The following WSCD2 variants were observed in gnomAD, a reference collection of about 807,000 sequenced individuals.
WSCD2 encodes sialate:O-sulfotransferase 2.
WSCD2 carries 28 observed loss-of-function variants against 55.7 expected under a neutral mutation model. The ratio of observed to expected loss-of-function variants is 0.50; its 90% CI spans 0.37 to 0.69. The LOEUF (loss-of-function observed/expected upper bound fraction) is 0.69. Among genes scored for constraint, WSCD2 ranks in the 30% least tolerant of loss-of-function variants. The pLI, the probability that WSCD2 is intolerant of heterozygous loss-of-function variation, is 0.00. For missense variants in WSCD2, 616 were observed against 762.1 expected, an observed-to-expected ratio of 0.81 and a Z score of 2.26; for synonymous variants, 301 against 301.9, an observed-to-expected ratio of 1.00 and a Z score of 0.03.
intron 1 of WSCD2, among the ~76,000 whole-genome samples, chr12:108,182,104 G>A (rs1224308330): frequency 6.6e-6 from 1 of 152,122 alleles, no homozygotes; most frequent in Non-Finnish European, 1.5e-5. Flanking sequence ...ATGGAAAACA[G>A]AAACACAGAT....
rs1275704311 is a variant in WSCD2, at chr12:108,218,286, C to G, written c.683-6453C>G. On this transcript the variant is annotated intron_variant, in intron 4 of 8. Transcript: ENST00000547525. ...GTTCCCCATTTTACAGCTGAAGATG[C>G]TGAGTTCCAGAGAGGAGAAACAGAG... Among the ~76,000 whole-genome samples, 3 of 152,206 alleles carry G rather than the reference C, an allele frequency of 2.0e-5. No individual in the cohort carries two copies. In the East Asian group the frequency reaches 5.8e-4, roughly 29 times the overall value.
chr12:108,135,550 G>A lies in WSCD2; in HGVS notation c.-552+5624G>A, dbSNP rs542407582. Among the ~76,000 whole-genome samples, 10 of 152,228 alleles carry A rather than the reference G, an allele frequency of 6.6e-5. No individual in the cohort carries two copies. The South Asian group carries it at 1.7e-3, about 25-fold the overall frequency. ...TCCTCCTCCTCCTTATGGTGGAGAC[G>A]GTTGAATGTCACTACCAGAGCAATG... On this transcript the variant is annotated intron_variant, in intron 1 of 8. Coordinates refer to ENST00000547525, the MANE Select transcript of WSCD2 (RefSeq NM_014653.4).
At chr12:108,173,791 A>G (rs562201202) in intron 1 of WSCD2, among the ~76,000 whole-genome samples, 1 of 144,592 alleles carries the variant, frequency 6.9e-6, no homozygotes, top group Admixed American at 6.9e-5. Context: ...CCATTGAGGC[A>G]GAGCTGATTC....
intron 1 of WSCD2, among the ~76,000 whole-genome samples, chr12:108,170,163 C>T (rs904297290): frequency 2.3e-5 from 2 of 86,716 alleles, no homozygotes; most frequent in Non-Finnish European, 6.4e-5. Context: ...TGTGTGTCTT[C>T]CAAACAAGAA....
chr12:108,232,585 G>A, intron 6 of WSCD2, 146 bp from the exon 7 acceptor site: 2 of 714,694 alleles, frequency 2.8e-6, no homozygotes, highest in South Asian at 2.1e-5. Context: ...GAGGCCCAAG[G>A]AAGCTTTCCC....
chr12:108,177,717 G>C (rs913147254), intron 1 of WSCD2, among the ~76,000 whole-genome samples: 1 of 152,146 alleles, frequency 6.6e-6, no homozygotes, highest in Non-Finnish European at 1.5e-5. Context: ...GAGCTCAGGA[G>C]TTCAAGACCA....
chr12:108,212,756 C>T (rs538599342), intron 4 of WSCD2, among the ~76,000 whole-genome samples: 79 of 152,204 alleles, frequency 5.2e-4, no homozygotes, highest in Non-Finnish European at 9.7e-4. Flanking sequence ...CTGCCCCCTT[C>T]TGTGTGGCAC....
At chr12:108,205,435 A>T (rs980940557) in intron 2 of WSCD2, among the ~76,000 whole-genome samples, 7 of 152,258 alleles carry the variant, frequency 4.6e-5, no homozygotes, top group Non-Finnish European at 1.5e-5. Flanking sequence ...GGGAAAAGAC[A>T]TTATAAACTG....
chr12:108,142,950 G>A lies in WSCD2; in HGVS notation c.-552+13024G>A, dbSNP rs114528743. On this transcript the variant is annotated intron_variant, in intron 1 of 8. Transcript: ENST00000547525. ...CTCAGCCTCCTTAGTAGCTGAGACT[G>A]TAGGTGGGTGCCACTGTGCCCGGCT... Among the ~76,000 whole-genome samples, 945 of 152,242 alleles carry A rather than the reference G, an allele frequency of 6.2e-3. 15 individuals carry two copies. Among genetic ancestry groups the A allele is most frequent in the African/African-American group, 0.022 (897 of 41,532 alleles).
chr12:108,196,680 T>C (rs1358648033), intron 2 of WSCD2, among the ~76,000 whole-genome samples: 4 of 152,236 alleles, frequency 2.6e-5, no homozygotes, highest in Non-Finnish European at 5.9e-5. Context: ...GAGCACAAGA[T>C]TACACAGCTA....
At chr12:108,138,839 C>T (rs1352848966) in intron 1 of WSCD2, among the ~76,000 whole-genome samples, 2 of 152,182 alleles carry the variant, frequency 1.3e-5, no homozygotes, top group Non-Finnish European at 2.9e-5. Context: ...TTATTAGGCA[C>T]CTATTTCATT....
intron 1 of WSCD2, among the ~76,000 whole-genome samples, chr12:108,152,245 C>T (rs1253260373): frequency 6.6e-6 from 1 of 152,324 alleles, no homozygotes; most frequent in East Asian, 1.9e-4. Context: ...GAAAGTGCCT[C>T]TGTTTGGCTT....
intron 1 of WSCD2, among the ~76,000 whole-genome samples, chr12:108,147,135 T>C (rs1877474502): frequency 6.6e-6 from 1 of 152,044 alleles, no homozygotes; most frequent in Non-Finnish European, 1.5e-5. Context: ...GGATGGTGGG[T>C]CACCCTGGAA....
intron 3 of WSCD2, among the ~76,000 whole-genome samples, chr12:108,209,320 C>T (rs758967467): frequency 1.3e-5 from 2 of 152,168 alleles, no homozygotes; most frequent in Non-Finnish European, 2.9e-5. Context: ...TGTGCCTCTT[C>T]CCCTCACCCT....
At chr12:108,148,079 A>T (rs1877587498) in intron 1 of WSCD2, among the ~76,000 whole-genome samples, 1 of 152,036 alleles carries the variant, frequency 6.6e-6, no homozygotes, top group Non-Finnish European at 1.5e-5. Context: ...TTCCCTCTAG[A>T]ACAGAGTTTT....
chr12:108,222,304 C>T (rs1007425999), intron 4 of WSCD2, among the ~76,000 whole-genome samples: 1 of 152,206 alleles, frequency 6.6e-6, no homozygotes, highest in Non-Finnish European at 1.5e-5. Flanking sequence ...TGAGATGAGG[C>T]TCAATAAGTT....
intron 8 of WSCD2, among the ~76,000 whole-genome samples, chr12:108,244,300 G>A (rs1157881060): frequency 6.6e-6 from 1 of 152,190 alleles, no homozygotes; most frequent in African/African-American, 2.4e-5. Flanking sequence ...TCTTTCCAAT[G>A]AAGTAATTTG....
At chr12:108,155,133 T>C (rs1271796182) in intron 1 of WSCD2, among the ~76,000 whole-genome samples, 1 of 152,196 alleles carries the variant, frequency 6.6e-6, no homozygotes, top group Non-Finnish European at 1.5e-5. Context: ...ATCTATATAA[T>C]GGGGACAATT....
chr12:108,133,499 G>A (rs1007075518), intron 1 of WSCD2, among the ~76,000 whole-genome samples: 1 of 152,150 alleles, frequency 6.6e-6, no homozygotes, highest in Non-Finnish European at 1.5e-5. Context: ...AGTGTCTCTA[G>A]GGGTATAAAC....
Sources: allele counts gnomAD v4.1 joint callset (sites outside exome capture counted in the v4.1 genomes callset), GRCh38; gene constraint gnomAD v4.1.1; transcripts MANE v1.5; gene names NCBI Gene and HGNC (gene_info 2026-07-23, HGNC 2026-07-21).